The following MAGI1 variants were observed in gnomAD, a reference collection of about 807,000 sequenced individuals.
MAGI1 encodes membrane-associated guanylate kinase, WW and PDZ domain-containing protein 1.
A neutral mutation model predicts 139.9 loss-of-function variants in MAGI1; 58 were observed. The observed-to-expected ratio is 0.41, with a 90% CI of 0.34 to 0.52. MAGI1 has a LOEUF of 0.52. Among genes scored for constraint, MAGI1 ranks in the 20% least tolerant of loss-of-function variants. MAGI1 has a pLI of 0.12. For missense variants in MAGI1, 1,874 were observed against 1,901.6 expected, an observed-to-expected ratio of 0.99 and a Z score of 0.27; for synonymous variants, 812 against 737.9, an observed-to-expected ratio of 1.10 and a Z score of -1.63.
At chr3:65,852,307 A>C (rs2059232443) in intron 1 of MAGI1, among the ~76,000 whole-genome samples, 1 of 152,140 alleles carries the variant, frequency 6.6e-6, no homozygotes, top group Non-Finnish European at 1.5e-5. Flanking sequence ...GGCCAGCATC[A>C]GTTTTGAGCC....
intron 1 of MAGI1, among the ~76,000 whole-genome samples, chr3:65,681,346 G>A (rs1341484280): frequency 1.3e-5 from 2 of 152,172 alleles, no homozygotes; most frequent in South Asian, 2.1e-4. Context: ...CATTTCTCAC[G>A]AGAGTCCCTG....
At chr3:65,469,971 T>C (rs1950456145) in intron 5 of MAGI1, 1 of 148,184 alleles carries the variant, frequency 6.7e-6, no homozygotes, top group African/African-American at 2.4e-5. Context: ...TATTTAAATA[T>C]ATAAAAATAT....
In MAGI1 at chr3:65,943,767, CAAG is replaced by C. The variant is rs999770304; in HGVS notation, c.313+94226_313+94228del. ...AAAACACTGCTTTAGATGAGTATTCCAAGAAGAATATTCTGTAGAGAAGCAGTA... is the reference window on the plus strand; with the variant it reads ...AAAACACTGCTTTAGATGAGTATTCCAAGAATATTCTGTAGAGAAGCAGTA... On this transcript the variant is annotated intron_variant, in intron 1 of 22. Transcript: ENST00000402939. Among the ~76,000 whole-genome samples the C allele has an allele frequency of 2.5e-4, 38 of 151,962 alleles. 1 individual carries two copies. The highest frequency in any genetic ancestry group is 2.5e-3 in the Admixed American group (38 of 15,244).
intron 2 of MAGI1, among the ~76,000 whole-genome samples, chr3:65,554,926 A>T (rs1330301610): frequency 6.6e-6 from 1 of 152,206 alleles, no homozygotes; most frequent in Non-Finnish European, 1.5e-5. Context: ...ACATTAGTGG[A>T]GGGGAAAATG....
intron 1 of MAGI1, among the ~76,000 whole-genome samples, chr3:65,866,351 CTTTT>C (rs60871707): frequency 1.5e-5 from 2 of 133,260 alleles, no homozygotes. Flanking sequence ...GTGCCTACTT[CTTTT>C]TTTTTTTTTT....
chr3:65,943,279 A>G (rs1379288756), intron 1 of MAGI1, among the ~76,000 whole-genome samples: 1 of 152,124 alleles, frequency 6.6e-6, no homozygotes, highest in Middle Eastern at 3.2e-3. Flanking sequence ...CCTAGAAAAA[A>G]GAAAATCATC....
At chr3:65,396,529 A>G (rs1944407262) in intron 13 of MAGI1, among the ~76,000 whole-genome samples, 2 of 152,258 alleles carry the variant, frequency 1.3e-5, no homozygotes, top group Non-Finnish European at 2.9e-5. Context: ...AGTATTTCCC[A>G]GAATGATTTC....
chr3:65,596,160 T>C lies in MAGI1; in HGVS notation c.430+25812A>G, dbSNP rs146950424. Reference sequence around the variant, plus strand: ...AGTTTTTCAGAAAGTATGAGCCTTATAGATGATAAAAGACAAGCTTTTCTC... The same window carrying C: ...AGTTTTTCAGAAAGTATGAGCCTTACAGATGATAAAAGACAAGCTTTTCTC... On this transcript the variant is annotated intron_variant, in intron 2 of 22. Coordinates refer to ENST00000402939, the MANE Select transcript of MAGI1 (RefSeq NM_001033057.2). 4.9e-4 allele frequency among the ~76,000 whole-genome samples: 74 copies of C among 152,340 alleles called. No homozygotes were observed. The East Asian group carries it at 8.7e-3, about 18-fold the overall frequency.
At chr3:65,925,098 G>A (rs947697312) in intron 1 of MAGI1, 3 of 152,150 alleles carry the variant, frequency 2.0e-5, no homozygotes, top group Non-Finnish European at 4.4e-5. Flanking sequence ...GCTCCATGAC[G>A]ACTGTGTCTC....
chr3:65,690,533 G>A (rs915710243), intron 1 of MAGI1, among the ~76,000 whole-genome samples: 12 of 152,122 alleles, frequency 7.9e-5, no homozygotes, highest in Admixed American at 7.2e-4. Context: ...CTGGAGTGCA[G>A]TGTCACAATC....
At chr3:65,439,717 A>T (rs867913397) in intron 9 of MAGI1, among the ~76,000 whole-genome samples, 162 bp downstream of exon 9, 5 of 152,142 alleles carry the variant, frequency 3.3e-5, no homozygotes, top group South Asian at 2.1e-4. Context: ...CCAGAGGAAC[A>T]TGGAGAGGGG....
chr3:65,819,472 C>T (rs1188162277), intron 1 of MAGI1, among the ~76,000 whole-genome samples: 2 of 152,094 alleles, frequency 1.3e-5, no homozygotes, highest in African/African-American at 4.8e-5. Context: ...TGAATAACAG[C>T]AGGACAGTTA....
chr3:65,878,054 T>G (rs1364209175), intron 1 of MAGI1, among the ~76,000 whole-genome samples: 1 of 151,774 alleles, frequency 6.6e-6, no homozygotes, highest in Non-Finnish European at 1.5e-5. Context: ...GAAACTGCAG[T>G]AAGTCATCAT....
chr3:65,507,949 C>G (rs1438221802), intron 2 of MAGI1, among the ~76,000 whole-genome samples: 1 of 151,874 alleles, frequency 6.6e-6, no homozygotes, highest in African/African-American at 2.4e-5. Context: ...TGCTTCTAAA[C>G]ATTTGCTTGG....
chr3:65,909,362 C>CA (rs35345969), intron 1 of MAGI1, among the ~76,000 whole-genome samples: 7,779 of 130,438 alleles, frequency 0.06, 236 homozygotes, highest in African/African-American at 0.088. Context: ...CCCATCTCTA[C>CA]AAAAAAAAAA....
chr3:65,693,854 C>G (rs995702288), intron 1 of MAGI1, among the ~76,000 whole-genome samples: 4 of 151,976 alleles, frequency 2.6e-5, no homozygotes, highest in Non-Finnish European at 4.4e-5. Context: ...CCCCGAGCAG[C>G]TGGGATTACA....
intron 1 of MAGI1, among the ~76,000 whole-genome samples, chr3:65,955,773 A>G (rs1197395732): frequency 6.6e-6 from 1 of 152,150 alleles, no homozygotes; most frequent in African/African-American, 2.4e-5. Flanking sequence ...GATCTTCTAC[A>G]ATGCCACCAT....
intron 1 of MAGI1, among the ~76,000 whole-genome samples, chr3:65,746,544 T>C (rs997418563): frequency 1.3e-5 from 2 of 152,140 alleles, no homozygotes; most frequent in African/African-American, 4.8e-5. Flanking sequence ...CATAATCAAA[T>C]GGACCCTAAA....
chr3:65,606,174 C>T (rs77104855), intron 2 of MAGI1, among the ~76,000 whole-genome samples: 5,033 of 152,174 alleles, frequency 0.033, 146 homozygotes, highest in Non-Finnish European at 0.049. Flanking sequence ...TGCAAAACCT[C>T]GGGTAGGAAC....
Sources: gnomAD v4.1 joint callset for allele counts (sites outside exome capture counted in the v4.1 genomes callset) on GRCh38, gnomAD v4.1.1 for gene constraint, MANE v1.5 for transcripts, NCBI Gene and HGNC (gene_info 2026-07-23, HGNC 2026-07-21) for gene names.